Variants in HCRTR2 observed in about 807,000 individuals in gnomAD.
HCRTR2 encodes hypocretin receptor 2.
HCRTR2 carries 22 observed loss-of-function variants against 49.0 expected under a neutral mutation model. The ratio of observed to expected loss-of-function variants is 0.45; its 90% CI spans 0.32 to 0.64. The LOEUF is 0.64. HCRTR2 is among the 30% of genes least tolerant of loss of function. The pLI, the probability that HCRTR2 is intolerant of heterozygous loss-of-function variation, is 0.04. For synonymous variants in HCRTR2, 236 were observed against 205.3 expected, an observed-to-expected ratio of 1.15 and a Z score of -1.28; for missense variants, 491 against 559.4, an observed-to-expected ratio of 0.88 and a Z score of 1.23.
At chr6:55,149,605 G>C (rs1228130493) in intron 1 of HCRTR2, among the ~76,000 whole-genome samples, 1 of 152,000 alleles carries the variant, frequency 6.6e-6, no homozygotes, top group Non-Finnish European at 1.5e-5. Context: ...ACCCTTTAAT[G>C]CAGGTTTTAA....
intron 1 of HCRTR2, among the ~76,000 whole-genome samples, chr6:55,159,727 A>G (rs1245423480): frequency 6.6e-6 from 1 of 152,230 alleles, no homozygotes; most frequent in Non-Finnish European, 1.5e-5. Context: ...CAAGCAAAGA[A>G]AAGAATATCA....
chr6:55,192,411 G>A lies in HCRTR2; in HGVS notation c.223+17601G>A, dbSNP rs62418313. Reference sequence around the variant, plus strand: ...TCTAAACACACACACACGCGCGCGCGCGCACACACACACACACACACACAC... The same window carrying A: ...TCTAAACACACACACACGCGCGCGCACGCACACACACACACACACACACAC... On this transcript the variant is annotated intron_variant, in intron 1 of 6. Coordinates refer to ENST00000370862, the MANE Select transcript of HCRTR2 (RefSeq NM_001384272.1). 1.1e-3 allele frequency among the ~76,000 whole-genome samples: 49 copies of A among 44,702 alleles called. 1 individual carries two copies. The East Asian group carries it at 0.028, about 25-fold the overall frequency. 29.3% of individuals were successfully genotyped at this position (44,702 alleles called of 152,430 possible).
intron 1 of HCRTR2, among the ~76,000 whole-genome samples, chr6:55,155,035 T>C (rs1364001126): frequency 6.6e-6 from 1 of 151,826 alleles, no homozygotes; most frequent in Non-Finnish European, 1.5e-5. Flanking sequence ...GGTGAAAGAC[T>C]TGTGTACTGA....
At chr6:55,282,085 A>T (rs985848642) in intron 6 of HCRTR2, 140 bp from the exon 7 acceptor site, 3 of 656,904 alleles carry the variant, frequency 4.6e-6, no homozygotes, top group Non-Finnish European at 8.3e-6. Flanking sequence ...CAATTTCCTT[A>T]TTCTATTTTA....
chr6:55,171,764 A>G (rs1414235298), upstream of HCRTR2, among the ~76,000 whole-genome samples: 6 of 152,194 alleles, frequency 3.9e-5, no homozygotes. Flanking sequence ...TATAACTTCA[A>G]TTTACTGTGA....
chr6:55,146,910 G>A (rs1426097917), intron 1 of HCRTR2, among the ~76,000 whole-genome samples: 4 of 152,074 alleles, frequency 2.6e-5, no homozygotes, highest in African/African-American at 7.2e-5. Context: ...TCCAAATTTT[G>A]TTGTACCTTG....
At chr6:55,247,640 C>G (rs1766471617) in intron 1 of HCRTR2, among the ~76,000 whole-genome samples, 1 of 151,978 alleles carries the variant, frequency 6.6e-6, no homozygotes, top group Non-Finnish European at 1.5e-5. Flanking sequence ...AATTCCAGAG[C>G]TAGTGATTAT....
At chr6:55,232,795 C>T (rs1260086944) in intron 1 of HCRTR2, among the ~76,000 whole-genome samples, 1 of 152,122 alleles carries the variant, frequency 6.6e-6, no homozygotes, top group Non-Finnish European at 1.5e-5. Context: ...CAATCTTATA[C>T]ATGTCAAAAC....
At chr6:55,176,467 T>C (rs758640437) in intron 1 of HCRTR2, among the ~76,000 whole-genome samples, 6 of 152,154 alleles carry the variant, frequency 3.9e-5, no homozygotes, top group South Asian at 2.1e-4. Context: ...TTAAGACACA[T>C]GGCTACCAGC....
intron 1 of HCRTR2, among the ~76,000 whole-genome samples, chr6:55,134,116 AAAAC>A (rs1764401194): frequency 6.6e-6 from 1 of 151,854 alleles, no homozygotes; most frequent in South Asian, 2.1e-4. Context: ...AAATTGTGGC[AAAAC>A]AAACTAAGCA....
upstream of HCRTR2, among the ~76,000 whole-genome samples, chr6:55,171,506 C>T (rs888306571): frequency 2.6e-5 from 4 of 152,012 alleles, no homozygotes; most frequent in Non-Finnish European, 5.9e-5. Flanking sequence ...GGAAGATATT[C>T]ACATCAAAAA....
intron 1 of HCRTR2, among the ~76,000 whole-genome samples, chr6:55,128,667 T>G (rs1419107971): frequency 7.2e-5 from 11 of 152,180 alleles, no homozygotes; most frequent in Non-Finnish European, 1.6e-4. Flanking sequence ...AAATATTTTA[T>G]TTTTTGTGTG....
chr6:55,235,118 G>A (rs1008209216), intron 1 of HCRTR2, among the ~76,000 whole-genome samples: 4 of 152,216 alleles, frequency 2.6e-5, no homozygotes, highest in Non-Finnish European at 5.9e-5. Flanking sequence ...GTTAAAAACA[G>A]ATAACAATTA....
intron 1 of HCRTR2, among the ~76,000 whole-genome samples, chr6:55,161,050 G>T (rs7775220): frequency 6.6e-6 from 1 of 151,764 alleles, no homozygotes; most frequent in Non-Finnish European, 1.5e-5. Flanking sequence ...GCACCACATT[G>T]CACTTATTCT....
chr6:55,250,422 TG>T (rs1165026831), intron 2 of HCRTR2, among the ~76,000 whole-genome samples: 2 of 152,168 alleles, frequency 1.3e-5, no homozygotes, highest in Admixed American at 6.6e-5. Context: ...TTACCTCTCT[TG>T]GTTTCAATAA....
chr6:55,170,039 TAACC>T (rs1270115662), upstream of HCRTR2, among the ~76,000 whole-genome samples: 3 of 47,104 alleles, frequency 6.4e-5, no homozygotes. Flanking sequence ...AACCTACCTA[TAACC>T]ACCAAGAAAA....
At chr6:55,140,992 C>T (rs954003255) in intron 1 of HCRTR2, among the ~76,000 whole-genome samples, 3 of 152,062 alleles carry the variant, frequency 2.0e-5, no homozygotes, top group Non-Finnish European at 4.4e-5. Context: ...CTTATTTATT[C>T]AACAAATATT....
At chr6:55,195,045 C>A (rs1329820685) in intron 1 of HCRTR2, among the ~76,000 whole-genome samples, 1 of 151,886 alleles carries the variant, frequency 6.6e-6, no homozygotes, top group Non-Finnish European at 1.5e-5. Context: ...GTAAAATGAT[C>A]ACCAAACTTA....
upstream of HCRTR2, among the ~76,000 whole-genome samples, chr6:55,172,212 C>T (rs1581806447): frequency 6.6e-6 from 1 of 152,272 alleles, no homozygotes; most frequent in Middle Eastern, 3.4e-3. Flanking sequence ...TTAATATATG[C>T]ACATATCAAT....
Sources: gnomAD v4.1 joint callset for allele counts (sites outside exome capture counted in the v4.1 genomes callset) on GRCh38, gnomAD v4.1.1 for gene constraint, MANE v1.5 for transcripts, NCBI Gene and HGNC (gene_info 2026-07-23, HGNC 2026-07-21) for gene names.